Variants in ZPBP observed in about 807,000 individuals in gnomAD.
ZPBP encodes zona pellucida-binding protein 1.
In ZPBP, 26 loss-of-function variants were observed where a neutral mutation model predicts 44.8. The ratio of observed to expected loss-of-function variants is 0.58; its 90% CI spans 0.43 to 0.81. The LOEUF is 0.81. Among genes scored for constraint, ZPBP ranks in the 30% least tolerant of loss-of-function variants. The pLI is 0.00. For synonymous variants in ZPBP, 174 were observed against 153.2 expected (o/e 1.14, Z -1.00); for missense variants, 409 against 434.0 (o/e 0.94, Z 0.51).
At chr7:49,846,814 C>T (rs185910572), downstream of ZPBP, among the ~76,000 whole-genome samples, 6 of 152,272 alleles carry the variant, frequency 3.9e-5, no homozygotes, top group Admixed American at 2.6e-4. Flanking sequence ...TGTAAATTTC[C>T]CCAGCCTCAT....
chr7:50,003,326 C>A (rs1053791163), intron 6 of ZPBP, among the ~76,000 whole-genome samples: 3 of 152,074 alleles, frequency 2.0e-5, no homozygotes, highest in African/African-American at 7.2e-5. Flanking sequence ...AGCTAAGAAG[C>A]TGCAGAACCT....
intron 7 of ZPBP, among the ~76,000 whole-genome samples, chr7:49,972,849 C>T (rs1796354723): frequency 6.6e-6 from 1 of 151,634 alleles, no homozygotes; most frequent in Non-Finnish European, 1.5e-5. Flanking sequence ...GTAATAAAAA[C>T]AGTGTGATAA....
intron 4 of ZPBP, among the ~76,000 whole-genome samples, chr7:50,046,359 C>A (rs1339414785): frequency 6.6e-6 from 1 of 151,854 alleles, no homozygotes; most frequent in Non-Finnish European, 1.5e-5. Flanking sequence ...AGTGAACAGG[C>A]AACCTACAGA....
At position 50,066,630 on chromosome 7, in the gene ZPBP, A is replaced by AT. The variant is rs556616052; in HGVS notation, c.335-8490dup. 3.1e-4 allele frequency among the ~76,000 whole-genome samples: 47 copies of AT among 152,340 alleles called. 1 individual carries two copies. The South Asian group carries it at 6.4e-3, about 21-fold the overall frequency. On this transcript the variant is annotated intron_variant, in intron 3 of 7. Coordinates refer to ENST00000046087, the MANE Select transcript of ZPBP (RefSeq NM_007009.3). ...CATTTGCAGCATTTGCAGTAATAAC[A>AT]TAACAACAGAACAATCAGTACTGAT...
chr7:49,928,497 T>C (rs185888361), intron 1 of ZPBP, among the ~76,000 whole-genome samples: 1 of 152,202 alleles, frequency 6.6e-6, no homozygotes, highest in Non-Finnish European at 1.5e-5. Flanking sequence ...CCCACTCTCC[T>C]TCAGGACCAC....
At chr7:49,963,005 T>C (rs896391290) in intron 7 of ZPBP, among the ~76,000 whole-genome samples, 11 of 151,212 alleles carry the variant, frequency 7.3e-5, no homozygotes, top group African/African-American at 2.7e-4. Context: ...ATAAAAAATC[T>C]TATAAGGAAA....
intron 4 of ZPBP, among the ~76,000 whole-genome samples, chr7:50,040,059 A>T (rs1799995564): frequency 6.6e-6 from 1 of 152,256 alleles, no homozygotes; most frequent in Non-Finnish European, 1.5e-5. Flanking sequence ...CAACAGAATT[A>T]ATGCAGAATA....
At chr7:50,078,504 C>T (rs188144191) in intron 3 of ZPBP, among the ~76,000 whole-genome samples, 2 of 151,294 alleles carry the variant, frequency 1.3e-5, no homozygotes, top group Admixed American at 1.3e-4. Context: ...ATCTTATCCA[C>T]CCCATACATA....
At chr7:50,087,743 A>T (rs1019527714) in intron 2 of ZPBP, among the ~76,000 whole-genome samples, 1 of 152,072 alleles carries the variant, frequency 6.6e-6, no homozygotes, top group Non-Finnish European at 1.5e-5. Context: ...TTGCATACTG[A>T]AAACTATAAA....
At chr7:49,858,212 C>A (rs1424962374) in intron 2 of ZPBP, among the ~76,000 whole-genome samples, 2 of 152,026 alleles carry the variant, frequency 1.3e-5, no homozygotes, top group Admixed American at 1.3e-4. Flanking sequence ...TGGGTATATA[C>A]CCAAAGGATT....
intron 1 of ZPBP, chr7:49,919,669 A>C (rs1793919552): frequency 6.6e-6 from 1 of 152,244 alleles, no homozygotes; most frequent in South Asian, 2.1e-4. Context: ...GCTATTTCTT[A>C]AAACAAAAAC....
intron 2 of ZPBP, among the ~76,000 whole-genome samples, chr7:49,863,951 A>C (rs1015177256): frequency 2.0e-5 from 3 of 152,114 alleles, no homozygotes; most frequent in Non-Finnish European, 4.4e-5. Context: ...GTTGTTTTAA[A>C]ATATTTTTTC....
rs141876354 is a variant in ZPBP at position 50,084,155 on chromosome 7, G to C, written c.209-2256C>G. Among the ~76,000 whole-genome samples, 4 of 151,850 alleles carry C rather than the reference G, an allele frequency of 2.6e-5. No homozygotes were observed. The East Asian group carries it at 5.8e-4, about 22-fold the overall frequency. On this transcript the variant is annotated intron_variant, in intron 2 of 7. Transcript: ENST00000046087. The stretch of plus-strand genomic sequence containing the variant: ...ACTTAATCTTCAGCTTACCAAAAAT[G>C]GAAAAAGTTGGGTAAAATTTTGTGC...
chr7:49,980,047 TAA>T (rs1796736508), intron 7 of ZPBP, among the ~76,000 whole-genome samples: 1 of 91,480 alleles, frequency 1.1e-5, no homozygotes, highest in South Asian at 3.0e-4. Context: ...ATAATATATA[TAA>T]TATAATTTTA....
At chr7:49,952,424 T>C (rs1012143487) in intron 7 of ZPBP, among the ~76,000 whole-genome samples, 2 of 151,962 alleles carry the variant, frequency 1.3e-5, no homozygotes, top group Non-Finnish European at 2.9e-5. Context: ...ACACAATATA[T>C]ACAAAGAACT....
chr7:49,919,488 C>T (rs1197357132), intron 1 of ZPBP: 1 of 152,058 alleles, frequency 6.6e-6, no homozygotes, highest in Non-Finnish European at 1.5e-5. Flanking sequence ...GTTCCAATGA[C>T]ATAAAAAACT....
chr7:50,093,124 G>A lies in ZPBP; in HGVS notation c.71C>T (p.Ser24Phe), dbSNP rs914293808. The A allele has an allele frequency of 1.8e-5, 28 of 1,572,466 alleles. No homozygotes were observed. The highest frequency in any genetic ancestry group is 2.7e-5 in the African/African-American group (2 of 73,276). The stretch of plus-strand genomic sequence containing the variant: ...GATAAAGAGGAGGATGGCGGCCCGA[G>A]AGAGCAGGGAGCCGGCGGCCCGGGT... ...RRTRAAGSLLSRAAILLFISA... is the reference protein window; with the variant it reads ...RRTRAAGSLLFRAAILLFISA... The change falls in exon 1 of 8, where the codon TCT becomes TTT. Residue 24 changes from serine (S) to phenylalanine (F), a missense_variant. Coordinates refer to ENST00000046087, the MANE Select transcript of ZPBP (RefSeq NM_007009.3).
chr7:50,057,735 A>G (rs1801033096), intron 4 of ZPBP, among the ~76,000 whole-genome samples: 1 of 152,228 alleles, frequency 6.6e-6, no homozygotes, highest in South Asian at 2.1e-4. Context: ...AAACATTTAT[A>G]CATCCCTGGC....
chr7:50,013,862 T>C (rs2128802647), intron 6 of ZPBP, among the ~76,000 whole-genome samples: 1 of 152,256 alleles, frequency 6.6e-6, no homozygotes, highest in African/African-American at 2.4e-5. Context: ...ATACTTAAAA[T>C]AAATGGATGA....
Sources: allele counts gnomAD v4.1 joint callset (sites outside exome capture counted in the v4.1 genomes callset), GRCh38; gene constraint gnomAD v4.1.1; transcripts MANE v1.5; gene names NCBI Gene and HGNC (gene_info 2026-07-23, HGNC 2026-07-21).